Variants in LOC128125817 observed in about 807,000 individuals in gnomAD.
chr1:41,628,614 G>A, the LOC128125817 span: 1 of 701,554 alleles, frequency 1.4e-6, no homozygotes, highest in Non-Finnish European at 2.0e-6. Flanking sequence ...AACTTTCACA[G>A]AGGCACCAGA....
At chr1:41,616,696 T>C in the LOC128125817 span, among the ~76,000 whole-genome samples, 2 of 139,984 alleles carry the variant, frequency 1.4e-5, no homozygotes, top group African/African-American at 5.3e-5. Context: ...CAAATGATCC[T>C]CCCGCCTTAG....
chr1:41,617,814 A>G, the LOC128125817 span, among the ~76,000 whole-genome samples: 1 of 152,304 alleles, frequency 6.6e-6, no homozygotes, highest in African/African-American at 2.4e-5. Flanking sequence ...ATCATAAGAA[A>G]CTGGAGTTCA....
chr1:41,609,860 G>A, the LOC128125817 span, among the ~76,000 whole-genome samples: 1 of 152,250 alleles, frequency 6.6e-6, no homozygotes, highest in Non-Finnish European at 1.5e-5. Context: ...AGGCCAAGAC[G>A]CTTGGTCAAA....
chr1:41,614,575 C>CT, the LOC128125817 span, among the ~76,000 whole-genome samples: 1 of 152,196 alleles, frequency 6.6e-6, no homozygotes, highest in Non-Finnish European at 1.5e-5. Flanking sequence ...AGTTAATCCC[C>CT]TTTTTGTCTT....
the LOC128125817 span, among the ~76,000 whole-genome samples, chr1:41,611,991 C>T: frequency 6.6e-6 from 1 of 152,132 alleles, no homozygotes; most frequent in South Asian, 2.1e-4. Context: ...GCTTTTTCTA[C>T]AGGACCCAAC....
chr1:41,603,640 G>A, the LOC128125817 span, among the ~76,000 whole-genome samples: 1 of 152,240 alleles, frequency 6.6e-6, no homozygotes, highest in Non-Finnish European at 1.5e-5. Flanking sequence ...GATTACAGGT[G>A]TGAGCCACTG....
the LOC128125817 span, among the ~76,000 whole-genome samples, chr1:41,617,639 C>A: frequency 2.0e-5 from 3 of 152,240 alleles, no homozygotes; most frequent in African/African-American, 7.2e-5. Context: ...ATTGACAGTG[C>A]ACAGGAGATA....
chr1:41,602,658 T>TA, the LOC128125817 span, among the ~76,000 whole-genome samples: 1 of 152,112 alleles, frequency 6.6e-6, no homozygotes, highest in Admixed American at 6.5e-5. Context: ...TTTGTCAATT[T>TA]AAAAAATCTT....
chr1:41,593,040 T>C, the LOC128125817 span, among the ~76,000 whole-genome samples: 1 of 152,194 alleles, frequency 6.6e-6, no homozygotes. Flanking sequence ...TGCCTCTCCT[T>C]TGGGCTTGGG....
chr1:41,605,375 GCACACACACA>G, the LOC128125817 span, among the ~76,000 whole-genome samples: 3 of 126,624 alleles, frequency 2.4e-5, no homozygotes, highest in Non-Finnish European at 4.9e-5. Flanking sequence ...ACGCACACGC[GCACACACACA>G]CACACACACA....
chr1:41,590,627 T>C, the LOC128125817 span, among the ~76,000 whole-genome samples: 78 of 152,302 alleles, frequency 5.1e-4, no homozygotes, highest in Non-Finnish European at 1.1e-3. Flanking sequence ...TGTTACTTGG[T>C]CCCTTTTGGA....
chr1:41,602,267 T>G, the LOC128125817 span, among the ~76,000 whole-genome samples: 1 of 152,194 alleles, frequency 6.6e-6, no homozygotes. Flanking sequence ...TAAAATGAGT[T>G]TGGAGGTGTT....
chr1:41,614,664 T>C, the LOC128125817 span, among the ~76,000 whole-genome samples: 5 of 152,132 alleles, frequency 3.3e-5, no homozygotes, highest in African/African-American at 1.2e-4. Context: ...AAATTTAAAA[T>C]GAAAAATCAA....
the LOC128125817 span, among the ~76,000 whole-genome samples, chr1:41,619,162 C>A: frequency 6.6e-6 from 1 of 152,164 alleles, no homozygotes; most frequent in Non-Finnish European, 1.5e-5. Flanking sequence ...TCCAGCCACA[C>A]CAGCTTCCTT....
At chr1:41,585,588 G>A in the LOC128125817 span, among the ~76,000 whole-genome samples, 1 of 152,218 alleles carries the variant, frequency 6.6e-6, no homozygotes, top group South Asian at 2.1e-4. Flanking sequence ...GTGGGATGCT[G>A]AGAACAGAAG....
the LOC128125817 span, among the ~76,000 whole-genome samples, chr1:41,593,262 TTAATA>T: frequency 2.8e-4 from 42 of 152,310 alleles, no homozygotes; most frequent in South Asian, 2.9e-3. Context: ...TACAGTTAAT[TTAATA>T]TATGTTCTTC....
chr1:41,601,674 T>A, the LOC128125817 span, among the ~76,000 whole-genome samples: 1 of 152,184 alleles, frequency 6.6e-6, no homozygotes. Flanking sequence ...TATTATTTTG[T>A]CTGCAAACAG....
the LOC128125817 span, among the ~76,000 whole-genome samples, chr1:41,609,435 A>T: frequency 6.6e-6 from 1 of 152,372 alleles, no homozygotes; most frequent in Non-Finnish European, 1.5e-5. Flanking sequence ...GCCTCCGTGT[A>T]GGCACCTGGC....
At chr1:41,628,658 C>G in the LOC128125817 span, 1 of 973,486 alleles carries the variant, frequency 1.0e-6, no homozygotes, top group Non-Finnish European at 1.3e-6. Flanking sequence ...AACAATAATA[C>G]ATTTTTCAGA....
Sources: gnomAD v4.1 joint callset for allele counts (sites outside exome capture counted in the v4.1 genomes callset) on GRCh38, gnomAD v4.1.1 for gene constraint, MANE v1.5 for transcripts.